The following NBPF9 variants were observed in gnomAD, a reference collection of about 807,000 sequenced individuals.
The protein encoded by NBPF9 is NBPF family member NBPF9.
Under a neutral mutation model 97.8 loss-of-function variants are expected in NBPF9, and 91 were observed. The observed-to-expected ratio is 0.93, with a 90% CI of 0.79 to 1.11. The LOEUF (loss-of-function observed/expected upper bound fraction) is 1.11, where lower values mean the gene tolerates loss of function less well. NBPF9 is among the 50% of genes least tolerant of loss of function. The pLI, the probability that NBPF9 is intolerant of heterozygous loss-of-function variation, is 0.00. For synonymous variants in NBPF9, 334 were observed against 359.5 expected, an observed-to-expected ratio of 0.93 and a Z score of 0.80; for missense variants, 992 against 939.5, an observed-to-expected ratio of 1.06 and a Z score of -0.73.
chr1:149,071,004 G>A, exon 16 of NBPF9: 2 of 1,612,196 alleles, frequency 1.2e-6, no homozygotes, highest in Non-Finnish European at 8.5e-7. Flanking sequence ...AGTCGACTTT[G>A]TCTTCCTCAA....
rs1352233556 is a variant in NBPF9 at position 149,084,241 on chromosome 1, G to A, written c.-194-1811C>T. ...GGTGCAGCAAACCAACATGGCACACGTATATATATATAATATATATACACG... is the reference window on the plus strand; with the variant it reads ...GGTGCAGCAAACCAACATGGCACACATATATATATATAATATATATACACG... On this transcript the variant is annotated intron_variant, in intron 5 of 29. Coordinates refer to ENST00000584027, the Ensembl canonical transcript of NBPF9. Among the ~76,000 whole-genome samples the A allele has an allele frequency of 2.4e-4, 33 of 139,928 alleles. 1 individual carries two copies. Among genetic ancestry groups the A allele is most frequent in the Admixed American group, 2.0e-3 (28 of 13,798 alleles). 91.8% of individuals were successfully genotyped at this position (139,928 alleles called of 152,430 possible).
intron 13 of NBPF9, 21 bp downstream of exon 13, chr1:149,073,747 G>C (rs1197809315): frequency 7.0e-6 from 11 of 1,572,888 alleles, no homozygotes; most frequent in Admixed American, 1.7e-5. Context: ...CCCCCTGCCT[G>C]CCCCCATGGG....
At chr1:149,059,243 T>G in intron 25 of NBPF9, 146 bp from the exon 26 acceptor site, 1 of 455,382 alleles carries the variant, frequency 2.2e-6, no homozygotes, top group Non-Finnish European at 4.0e-6. Context: ...TGCCTTTAGG[T>G]TGGGATAGAC....
Position 149,062,403 on chromosome 1 carries a change from C to A in NBPF9, c.2079-138G>T, listed in dbSNP as rs1374044102. 2.1e-5 allele frequency: 14 copies of A among 675,024 alleles called. 3 individuals are homozygous for A. In the African/African-American group the frequency reaches 2.1e-4, roughly 10 times the overall value. The allele number at this position is 675,024 out of a possible 1,614,324, so 41.8% of individuals were successfully genotyped here. On this transcript the variant is annotated intron_variant, in intron 21 of 29. Coordinates refer to ENST00000584027, the Ensembl canonical transcript of NBPF9. The stretch of plus-strand genomic sequence containing the variant: ...CCATTAATGAGGTAATGAATTATTG[C>A]CTTTAGGTTGGGATAGACCAGGGTC...
intron 21 of NBPF9, among the ~76,000 whole-genome samples, chr1:149,062,641 C>G (rs1271655830): frequency 6.8e-6 from 1 of 146,608 alleles, no homozygotes; most frequent in Non-Finnish European, 1.5e-5. Flanking sequence ...AGTTGCCATA[C>G]AGCCTTTGAG....
intron 17 of NBPF9, among the ~76,000 whole-genome samples, chr1:149,068,226 T>C (rs1184369587): frequency 0.035 from 4,796 of 135,342 alleles, 176 homozygotes; most frequent in East Asian, 0.19. Flanking sequence ...AACTAACGGG[T>C]GAAATAACCA....
intron 15 of NBPF9, among the ~76,000 whole-genome samples, 198 bp downstream of exon 15, chr1:149,071,406 C>A (rs1447872302): frequency 6.7e-5 from 10 of 148,640 alleles, no homozygotes; most frequent in African/African-American, 2.3e-4. Context: ...TATCCTTGTA[C>A]GGTGCAGACA....
chr1:149,072,931 G>A lies in NBPF9; in HGVS notation c.1093C>T (p.Gln365Ter). Residue 365 changes from glutamine to a stop codon, truncating the protein, a stop_gained and splice_region_variant, in exon 14 of 30, where the codon CAA becomes TAA. Transcript: ENST00000584027. LOFTEE classifies it high-confidence loss of function. The stretch of plus-strand genomic sequence containing the variant: ...TGAGCGTGAACCAGGACTTTATATT[G>A]CCTAAGGTGAGATGGTAGAGAAAAA... 2 of 1,606,792 alleles carry A rather than the reference G, an allele frequency of 1.2e-6. No individual in the cohort carries two copies. The highest frequency in any genetic ancestry group is 1.7e-6 in the Non-Finnish European group (2 of 1,175,700).
At position 149,082,631 on chromosome 1, in the gene NBPF9, A is replaced by C. The variant is rs782080709; in HGVS notation, c.-194-201T>G. On this transcript the variant is annotated intron_variant, in intron 5 of 29. Transcript: ENST00000584027. ...ATGCCACAGACCCGTGTCTTTCCCA[A>C]TACATCTAAGCATATTCCTCACTGT... 6.0e-3 allele frequency among the ~76,000 whole-genome samples: 835 copies of C among 140,298 alleles called. 6 individuals are homozygous for C. Among genetic ancestry groups the C allele is most frequent in the Middle Eastern group, 0.017 (5 of 286 alleles). The allele number at this position is 140,298 out of a possible 152,430, so 92.0% of individuals were successfully genotyped here.
At chr1:149,079,574 T>A (rs1160206439) in intron 8 of NBPF9, among the ~76,000 whole-genome samples, 1 of 148,052 alleles carries the variant, frequency 6.8e-6, no homozygotes, top group African/African-American at 2.5e-5. Flanking sequence ...TTGCGGCCAC[T>A]AGATACAAAG....
chr1:149,062,751 G>A, intron 21 of NBPF9, 111 bp downstream of exon 21: 1 of 770,922 alleles, frequency 1.3e-6, no homozygotes, highest in South Asian at 1.3e-5. Context: ...GGCAGTAGGA[G>A]TAATTCAACC....
intron 18 of NBPF9, 142 bp downstream of exon 18, chr1:149,065,380 AGAGT>A: frequency 1.1e-6 from 1 of 931,356 alleles, no homozygotes; most frequent in African/African-American, 1.6e-5. Context: ...ACTCGACTCC[AGAGT>A]GATTGAAATC....
chr1:149,074,861 G>A (rs1553653890), intron 12 of NBPF9, among the ~76,000 whole-genome samples: 2 of 151,028 alleles, frequency 1.3e-5, no homozygotes, highest in East Asian at 1.9e-4. Context: ...GCCCAGGCTG[G>A]AGTGCAATGG....
intron 29 of NBPF9, among the ~76,000 whole-genome samples, chr1:149,056,166 A>G (rs1459294294): frequency 1.6e-4 from 24 of 151,760 alleles, no homozygotes; most frequent in Non-Finnish European, 2.9e-4. Context: ...CATACTGGTA[A>G]GGGAGTAAAA....
intron 5 of NBPF9, among the ~76,000 whole-genome samples, chr1:149,082,778 T>C (rs1488455711): frequency 6.7e-6 from 1 of 149,360 alleles, no homozygotes; most frequent in Non-Finnish European, 1.5e-5. Context: ...TTCTCTTGTT[T>C]TGACTTTTTT....
At chr1:149,100,174 TA>T (rs2082056146) in intron 3 of NBPF9, among the ~76,000 whole-genome samples, 2 of 141,210 alleles carry the variant, frequency 1.4e-5, no homozygotes, top group South Asian at 5.0e-4. Context: ...AGGAAGATTG[TA>T]AAAATTGTAA....
chr1:149,103,016 C>T (rs2082247850), intron 1 of NBPF9, among the ~76,000 whole-genome samples, 169 bp from the exon 2 acceptor site: 1 of 151,854 alleles, frequency 6.6e-6, no homozygotes, highest in Non-Finnish European at 1.5e-5. Context: ...GGACGTGCCC[C>T]CGAAGCTGCT....
rs782766268 is a variant in NBPF9 at position 149,062,151 on chromosome 1, G to C, written c.2193C>G (p.Tyr731Ter). The C allele has an allele frequency of 9.8e-7, 1 of 1,021,830 alleles. No individual in the cohort carries two copies. Among genetic ancestry groups the C allele is most frequent in the South Asian group, 1.3e-5 (1 of 78,620 alleles). The allele number at this position is 1,021,830 out of a possible 1,614,324, so 63.3% of individuals were successfully genotyped here. Residue 731 changes from tyrosine to a stop codon, truncating the protein, a stop_gained, in exon 22 of 30, where the codon TAC becomes TAG. Coordinates refer to ENST00000584027, the Ensembl canonical transcript of NBPF9. LOFTEE classifies it high-confidence loss of function. ...CCTCCAATGAGTAAACAGCACTGCT[G>C]TAGGGCTGGCCTAAGTCAGGCAGTT... is the stretch of plus-strand genomic sequence containing the variant.
chr1:149,081,678 ATGATTGAG>A (rs2080461127), intron 7 of NBPF9, among the ~76,000 whole-genome samples: 1 of 145,164 alleles, frequency 6.9e-6, no homozygotes, highest in Non-Finnish European at 1.5e-5. Context: ...TCTTGAAAAC[ATGATTGAG>A]CCTCTTGGAG....
Sources: allele counts gnomAD v4.1 joint callset (sites outside exome capture counted in the v4.1 genomes callset), GRCh38; gene constraint gnomAD v4.1.1; transcripts MANE v1.5; gene names NCBI Gene and HGNC (gene_info 2026-07-23, HGNC 2026-07-21).